The following LUZP2 variants were observed in gnomAD, a reference collection of about 807,000 sequenced individuals.
LUZP2 encodes the protein leucine zipper protein 2.
A neutral mutation model predicts 51.6 loss-of-function variants in LUZP2; 52 were observed. The observed-to-expected ratio is 1.01, with a 90% CI of 0.81 to 1.27. LUZP2 has a LOEUF of 1.27. Ranked by LOEUF, LUZP2 falls within the 50% of genes most tolerant of loss-of-function variation. LUZP2 has a pLI of 0.00. For missense variants in LUZP2, 436 were observed against 395.4 expected (o/e 1.10, Z -0.87); for synonymous variants, 154 against 137.3 (o/e 1.12, Z -0.85).
At chr11:24,780,979 T>C (rs1310381639) in intron 5 of LUZP2, among the ~76,000 whole-genome samples, 3 of 152,074 alleles carry the variant, frequency 2.0e-5, no homozygotes, top group Non-Finnish European at 4.4e-5. Context: ...GAAAGAGAAA[T>C]AAAAGTCATA....
chr11:24,532,875 C>T (rs1208428764), intron 1 of LUZP2, among the ~76,000 whole-genome samples: 1 of 150,770 alleles, frequency 6.6e-6, no homozygotes, highest in Admixed American at 6.6e-5. Context: ...ATAATAAAAC[C>T]TTTCATCAAG....
At chr11:24,819,678 A>G (rs1850298512) in intron 5 of LUZP2, among the ~76,000 whole-genome samples, 1 of 152,146 alleles carries the variant, frequency 6.6e-6, no homozygotes, top group African/African-American at 2.4e-5. Flanking sequence ...TTGGTTAATC[A>G]AATTTGTATC....
intron 7 of LUZP2, among the ~76,000 whole-genome samples, chr11:24,962,450 G>A (rs1394550500): frequency 6.6e-6 from 1 of 152,146 alleles, no homozygotes; most frequent in East Asian, 1.9e-4. Context: ...ATTTCTTGGA[G>A]GCTTTGTTCA....
At chr11:24,812,968 C>T (rs1227517042) in intron 5 of LUZP2, among the ~76,000 whole-genome samples, 1 of 152,188 alleles carries the variant, frequency 6.6e-6, no homozygotes, top group Non-Finnish European at 1.5e-5. Flanking sequence ...GCACTTAATA[C>T]CATGCCACTC....
intron 9 of LUZP2, among the ~76,000 whole-genome samples, chr11:25,012,052 A>G (rs1345936265): frequency 6.6e-6 from 1 of 152,096 alleles, no homozygotes; most frequent in Admixed American, 6.6e-5. Flanking sequence ...CATTTTTAGG[A>G]AAACACATAC....
At chr11:25,025,174 A>G (rs1334429668) in intron 9 of LUZP2, among the ~76,000 whole-genome samples, 2 of 152,104 alleles carry the variant, frequency 1.3e-5, no homozygotes, top group African/African-American at 4.8e-5. Flanking sequence ...TCAATGTTAG[A>G]CCTAAAACCA....
At chr11:24,985,583 C>T (rs1170829002) in intron 9 of LUZP2, among the ~76,000 whole-genome samples, 9 of 151,506 alleles carry the variant, frequency 5.9e-5, no homozygotes, top group South Asian at 2.1e-4. Flanking sequence ...AAATAGTATT[C>T]GAAATGTTAT....
intron 8 of LUZP2, among the ~76,000 whole-genome samples, chr11:24,981,950 ATG>A (rs1239299010): frequency 2.6e-4 from 1 of 3,896 alleles, no homozygotes; most frequent in Non-Finnish European, 0.011. Context: ...GGCAAAGGAC[ATG>A]CATGAACAGA....
intron 1 of LUZP2, among the ~76,000 whole-genome samples, chr11:24,517,625 G>T (rs1412992719): frequency 6.6e-6 from 1 of 151,056 alleles, no homozygotes; most frequent in African/African-American, 2.4e-5. Flanking sequence ...TTCAATGAGG[G>T]CATCAGTCAC....
chr11:24,926,222 CGT>C (rs1565118427), intron 7 of LUZP2, among the ~76,000 whole-genome samples: 1 of 127,736 alleles, frequency 7.8e-6, no homozygotes, highest in African/African-American at 3.0e-5. Flanking sequence ...TATATATATA[CGT>C]GTATATATAT....
intron 9 of LUZP2, among the ~76,000 whole-genome samples, chr11:25,040,343 A>ATTGTTTTTTTTTTTTT (rs1858011819): frequency 2.0e-5 from 2 of 98,828 alleles, no homozygotes; most frequent in Admixed American, 1.1e-4. Context: ...TTTCTTTCCG[A>ATTGTTTTTTTTTTTTT]TTTTTTTTTT....
chr11:24,752,166 G>A (rs1048344109), intron 4 of LUZP2, among the ~76,000 whole-genome samples: 1 of 152,056 alleles, frequency 6.6e-6, no homozygotes, highest in East Asian at 1.9e-4. Context: ...TAAATAAATA[G>A]AAACTTTATC....
chr11:24,524,917 CCT>C (rs1850750284), intron 1 of LUZP2, among the ~76,000 whole-genome samples: 1 of 151,650 alleles, frequency 6.6e-6, no homozygotes, highest in Non-Finnish European at 1.5e-5. Context: ...TTAGTCAACC[CCT>C]CTCTCACAAT....
intron 9 of LUZP2, among the ~76,000 whole-genome samples, chr11:25,047,195 A>G (rs201449505): frequency 1.1e-3 from 162 of 151,746 alleles, no homozygotes; most frequent in Non-Finnish European, 2.0e-3. Context: ...TTTATTTATT[A>G]CTCTTGTTCT....
chr11:24,962,294 G>A (rs919148462), intron 7 of LUZP2, among the ~76,000 whole-genome samples: 3 of 152,142 alleles, frequency 2.0e-5, no homozygotes, highest in Admixed American at 1.3e-4. Flanking sequence ...TGTATTTCCC[G>A]AATCTGAATG....
At chr11:25,008,465 C>T (rs1311616895) in intron 9 of LUZP2, among the ~76,000 whole-genome samples, 1 of 152,170 alleles carries the variant, frequency 6.6e-6, no homozygotes, top group Non-Finnish European at 1.5e-5. Flanking sequence ...CTTGTTTGTT[C>T]CCATCACCTG....
intron 9 of LUZP2, among the ~76,000 whole-genome samples, chr11:25,001,568 C>A (rs1457001547): frequency 1.3e-5 from 2 of 152,202 alleles, no homozygotes. Context: ...ACACTGACAA[C>A]AAGGTGGTAT....
intron 1 of LUZP2, among the ~76,000 whole-genome samples, chr11:24,682,398 G>A (rs1245796079): frequency 6.6e-6 from 1 of 151,654 alleles, no homozygotes; most frequent in Non-Finnish European, 1.5e-5. Context: ...GGGAGGCTGA[G>A]GCAGGAGAAT....
intron 5 of LUZP2, among the ~76,000 whole-genome samples, chr11:24,782,180 G>C (rs2631396): frequency 0.59 from 89,265 of 151,826 alleles, 27,019 homozygotes; most frequent in Non-Finnish European, 0.68. Context: ...CAACTGAAGA[G>C]TTCACAGAAA....
Sources: allele counts gnomAD v4.1 joint callset (sites outside exome capture counted in the v4.1 genomes callset), GRCh38; gene constraint gnomAD v4.1.1; transcripts MANE v1.5; gene names NCBI Gene and HGNC (gene_info 2026-07-23, HGNC 2026-07-21).